Variants in ATP8B1 observed in about 807,000 individuals in gnomAD.
The protein encoded by ATP8B1 is ATPase phospholipid transporting 8B1, also known as phospholipid-transporting ATPase IC.
Under a neutral mutation model 149.9 loss-of-function variants are expected in ATP8B1, and 80 were observed. The observed-to-expected ratio is 0.53, with a 90% CI of 0.45 to 0.64. ATP8B1 has a LOEUF of 0.64. Among genes scored for constraint, ATP8B1 ranks in the 30% least tolerant of loss-of-function variants. The pLI is 0.00. For missense variants in ATP8B1, 1,247 were observed against 1,552.6 expected (o/e 0.80, Z 3.31); for synonymous variants, 536 against 562.8 (o/e 0.95, Z 0.67).
Position 57,672,917 on chromosome 18 carries a change from T to C in ATP8B1, c.1820-1337A>G, listed in dbSNP as rs1568189296. On this transcript the variant is annotated intron_variant, in intron 16 of 27. Transcript: ENST00000648908. ...ATATATATATATATATATATATATA[T>C]ATATATATATATATAACATGTATAT... is the stretch of plus-strand genomic sequence containing the variant. Among the ~76,000 whole-genome samples, 54 of 51,666 alleles carry C rather than the reference T, an allele frequency of 1.0e-3. 4 individuals are homozygous for C. In the East Asian group the frequency reaches 0.017, roughly 17 times the overall value. The allele number at this position is 51,666 out of a possible 152,430, so 33.9% of individuals were successfully genotyped here.
Position 57,691,821 on chromosome 18 carries a change from G to A in ATP8B1, c.1206C>T (p.Ile402=), listed in dbSNP as rs1179570288. 9.3e-6 allele frequency: 15 copies of A among 1,614,038 alleles called. No homozygotes were observed. The highest frequency in any genetic ancestry group is 1.3e-5 in the African/African-American group (1 of 74,922). Residue 402 remains isoleucine, a synonymous_variant, in exon 12 of 28, where the codon ATC becomes ATT. Transcript: ENST00000648908. ...YIIVLNTMVP[I]SLYVSVEVIR... ...GACAGCCTTACCTGACATAGAGAGAGATGGGTACCATGGTGTTGAGAACAA... is the reference window on the plus strand; with the variant it reads ...GACAGCCTTACCTGACATAGAGAGAAATGGGTACCATGGTGTTGAGAACAA...
intron 2 of ATP8B1, among the ~76,000 whole-genome samples, chr18:57,726,523 G>A (rs1277358745): frequency 1.3e-5 from 2 of 152,188 alleles, no homozygotes; most frequent in African/African-American, 4.8e-5. Flanking sequence ...CAGGCACCTA[G>A]AGAGTTTGTA....
intron 1 of ATP8B1, among the ~76,000 whole-genome samples, chr18:57,769,509 G>A (rs1237545601): frequency 6.6e-6 from 1 of 152,218 alleles, no homozygotes; most frequent in Non-Finnish European, 1.5e-5. Flanking sequence ...GCTCCTTGGA[G>A]GTGCTGGGGT....
chr18:57,652,841 G>T, intron 24 of ATP8B1, 112 bp from the exon 25 acceptor site: 1 of 1,349,286 alleles, frequency 7.4e-7, no homozygotes. Context: ...ATTTTAGGAA[G>T]GCAAAAACTG....
In ATP8B1 at chr18:57,695,434, C is replaced by A; in HGVS notation, c.781+16G>T. 1 of 1,607,256 alleles carries A rather than the reference C, an allele frequency of 6.2e-7. No individual in the cohort carries two copies. The highest frequency in any genetic ancestry group is 8.5e-7 in the Non-Finnish European group (1 of 1,173,808). On this transcript the variant is annotated intron_variant, in intron 9 of 27. Coordinates refer to ENST00000648908, the MANE Select transcript of ATP8B1 (RefSeq NM_001374385.1). ...AACTAAAATTTAAAGCAAAGTAAGACATGTTTGGTACAAACCATCAAATGT... is the reference window on the plus strand; with the variant it reads ...AACTAAAATTTAAAGCAAAGTAAGAAATGTTTGGTACAAACCATCAAATGT...
intron 2 of ATP8B1, among the ~76,000 whole-genome samples, chr18:57,719,830 A>G (rs2123063369): frequency 6.6e-6 from 1 of 152,368 alleles, no homozygotes; most frequent in South Asian, 2.1e-4. Flanking sequence ...TAACCTCTGC[A>G]GACTTAAATG....
At chr18:57,701,001 T>C (rs1465239927) in intron 6 of ATP8B1, 38 bp downstream of exon 6, 1 of 1,563,934 alleles carries the variant, frequency 6.4e-7, no homozygotes. Flanking sequence ...AGTTATGCAT[T>C]ACATCCTTGA....
chr18:57,731,416 C>G, intron 2 of ATP8B1: 2 of 500,076 alleles, frequency 4.0e-6, no homozygotes, highest in Non-Finnish European at 3.7e-6. Flanking sequence ...CTCTGCAGAA[C>G]TTGTCAGATA....
intron 6 of ATP8B1, among the ~76,000 whole-genome samples, chr18:57,699,934 G>T (rs1342259557): frequency 6.6e-6 from 1 of 152,160 alleles, no homozygotes. Flanking sequence ...GAAGTCTAGG[G>T]TGCATGTCTG....
At chr18:57,692,020 A>G in intron 11 of ATP8B1, 23 bp from the exon 12 acceptor site, 2 of 1,598,312 alleles carry the variant, frequency 1.3e-6, no homozygotes, top group South Asian at 1.1e-5. Flanking sequence ...AAACATTTAA[A>G]TGCATTCTGA....
intron 6 of ATP8B1, among the ~76,000 whole-genome samples, chr18:57,700,313 A>C (rs936559101): frequency 3.9e-5 from 6 of 152,304 alleles, no homozygotes; most frequent in Admixed American, 2.0e-4. Flanking sequence ...ACATATATTT[A>C]AAAAGTATTT....
intron 1 of ATP8B1, among the ~76,000 whole-genome samples, chr18:57,749,044 G>A (rs2079991974): frequency 6.6e-6 from 1 of 152,162 alleles, no homozygotes; most frequent in Non-Finnish European, 1.5e-5. Context: ...TTAAAGAAGT[G>A]CCCATTAAAG....
In ATP8B1 at chr18:57,697,541, C is replaced by T. The variant is rs1205318169; in HGVS notation, c.698+77G>A. ...AGGCCAGATATCAAGCCGTCTGGTC[C>T]ACAATGCCCCGATTTCAGTGGAATG... On this transcript the variant is annotated intron_variant, in intron 8 of 27. Transcript: ENST00000648908. The T allele has an allele frequency of 6.7e-6, 10 of 1,501,246 alleles. 1 individual carries two copies. In the South Asian group the frequency reaches 1.1e-4, roughly 17 times the overall value. The allele number at this position is 1,501,246 out of a possible 1,614,324, so 93.0% of individuals were successfully genotyped here. A position where few individuals can be genotyped will look rare whatever the true frequency, so the allele number is the denominator to read the frequency against.
chr18:57,748,858 G>A (rs1361667358), intron 1 of ATP8B1, among the ~76,000 whole-genome samples: 1 of 152,162 alleles, frequency 6.6e-6, no homozygotes, highest in Non-Finnish European at 1.5e-5. Flanking sequence ...TATTTGCAGA[G>A]AATAATCAGA....
intron 1 of ATP8B1, among the ~76,000 whole-genome samples, chr18:57,761,770 T>C (rs1030424706): frequency 6.0e-5 from 9 of 150,976 alleles, no homozygotes; most frequent in Non-Finnish European, 1.2e-4. Flanking sequence ...CTGGCCAACA[T>C]GGTGAAACCC....
In ATP8B1 at chr18:57,745,705, G is replaced by A. The variant is rs553011241; in HGVS notation, c.-25-13873C>T. 3.3e-5 allele frequency among the ~76,000 whole-genome samples: 5 copies of A among 151,378 alleles called. No homozygotes were observed. The South Asian group carries it at 1.1e-3, about 32-fold the overall frequency. ...AGGGCCTTGCACTGTCATCCAGGCT[G>A]GAGTTAAGTGGCATGATCATGACTC... On this transcript the variant is annotated intron_variant, in intron 1 of 27. Transcript: ENST00000648908.
At chr18:57,674,701 A>G (rs1568190480) in intron 16 of ATP8B1, 133 bp downstream of exon 16, 2 of 1,054,438 alleles carry the variant, frequency 1.9e-6, no homozygotes, top group Non-Finnish European at 1.4e-6. Flanking sequence ...TACCAGTTTC[A>G]GTAAAGCTGC....
At chr18:57,739,418 T>C (rs1349114531) in intron 1 of ATP8B1, among the ~76,000 whole-genome samples, 1 of 152,166 alleles carries the variant, frequency 6.6e-6, no homozygotes, top group African/African-American at 2.4e-5. Context: ...TCTGTTTCCT[T>C]CCTAACACTT....
chr18:57,703,875 G>A (rs1358940501), intron 4 of ATP8B1, among the ~76,000 whole-genome samples: 1 of 152,098 alleles, frequency 6.6e-6, no homozygotes, highest in Non-Finnish European at 1.5e-5. Context: ...GATCTTTTTG[G>A]GGGGGAAATT....
Sources: allele counts gnomAD v4.1 joint callset (sites outside exome capture counted in the v4.1 genomes callset), GRCh38; gene constraint gnomAD v4.1.1; transcripts MANE v1.5; gene names NCBI Gene and HGNC (gene_info 2026-07-23, HGNC 2026-07-21).